Variants in DCC observed in about 807,000 individuals in gnomAD.
The protein encoded by DCC is DCC netrin 1 receptor, also known as netrin receptor DCC.
Under a neutral mutation model 172.5 loss-of-function variants are expected in DCC, and 58 were observed. The observed-to-expected ratio is 0.34, with a 90% CI of 0.27 to 0.42. DCC has a LOEUF of 0.42. Ranked by LOEUF, DCC falls within the 10% of genes least tolerant of loss-of-function variation. DCC has a pLI of 1.00. For synonymous variants in DCC, 709 were observed against 644.5 expected, an observed-to-expected ratio of 1.10 and a Z score of -1.52; for missense variants, 1,740 against 1,791.0, an observed-to-expected ratio of 0.97 and a Z score of 0.51.
intron 15 of DCC, among the ~76,000 whole-genome samples, chr18:53,355,693 C>T (rs1344363716): frequency 6.6e-6 from 1 of 152,080 alleles, no homozygotes; most frequent in Admixed American, 6.6e-5. Flanking sequence ...GGTTTTCTAA[C>T]TATAAAATCA....
chr18:53,335,680 T>G (rs1401189391), intron 14 of DCC, among the ~76,000 whole-genome samples: 1 of 152,190 alleles, frequency 6.6e-6, no homozygotes, highest in Non-Finnish European at 1.5e-5. Context: ...CCTAGTTATT[T>G]GATCATTCAG....
At chr18:52,512,412 T>G (rs1388524199) in intron 1 of DCC, among the ~76,000 whole-genome samples, 2 of 152,200 alleles carry the variant, frequency 1.3e-5, no homozygotes, top group Non-Finnish European at 2.9e-5. Context: ...ATGTTCAGTA[T>G]CCTGGACAAC....
intron 2 of DCC, among the ~76,000 whole-genome samples, chr18:52,856,279 C>T (rs2039051175): frequency 6.6e-6 from 1 of 151,904 alleles, no homozygotes; most frequent in Non-Finnish European, 1.5e-5. Flanking sequence ...ATGAAGATGT[C>T]TTTTTAAGAT....
chr18:52,825,158 C>T (rs893456183), intron 2 of DCC, among the ~76,000 whole-genome samples: 11 of 152,098 alleles, frequency 7.2e-5, no homozygotes, highest in African/African-American at 2.2e-4. Context: ...ATGAGCAATT[C>T]ATTATTGTAA....
At chr18:53,415,376 T>C (rs1229868989) in intron 20 of DCC, among the ~76,000 whole-genome samples, 2 of 152,056 alleles carry the variant, frequency 1.3e-5, no homozygotes, top group Admixed American at 1.3e-4. Flanking sequence ...ATAATTCTAC[T>C]AGTAATTGAG....
At chr18:53,242,904 T>G (rs1555737407) in intron 12 of DCC, among the ~76,000 whole-genome samples, 1 of 141,024 alleles carries the variant, frequency 7.1e-6, no homozygotes, top group East Asian at 2.0e-4. Flanking sequence ...GTGTGTGTGT[T>G]TGTGCATCTG....
intron 2 of DCC, among the ~76,000 whole-genome samples, chr18:52,760,744 T>TAAG (rs753103734): frequency 5.1e-4 from 78 of 152,282 alleles, no homozygotes; most frequent in Non-Finnish European, 8.4e-4. Context: ...ACATTTGAAT[T>TAAG]AAGATATTAA....
intron 1 of DCC, among the ~76,000 whole-genome samples, chr18:52,640,695 C>G (rs1467013727): frequency 1.3e-5 from 2 of 151,672 alleles, no homozygotes; most frequent in Non-Finnish European, 2.9e-5. Context: ...CTACAAAATA[C>G]TGCTGAAATA....
At chr18:52,671,313 C>A (rs1326325654) in intron 1 of DCC, among the ~76,000 whole-genome samples, 1 of 152,128 alleles carries the variant, frequency 6.6e-6, no homozygotes, top group Non-Finnish European at 1.5e-5. Flanking sequence ...GTGACTGATT[C>A]TAAAAGTGAC....
intron 1 of DCC, among the ~76,000 whole-genome samples, chr18:52,454,359 CT>C: frequency 6.6e-6 from 1 of 151,988 alleles, no homozygotes; most frequent in East Asian, 1.9e-4. Context: ...CTCAGGATAA[CT>C]TTTTTAAGTA....
rs116661144 is a variant in DCC, at chr18:52,839,094, A to G, written c.413-66950A>G. ...AGGCCACATTGTAGAGCTGAAAGGC[A>G]AAAGAACTTGGACATTTACTTAACC... On this transcript the variant is annotated intron_variant, in intron 2 of 28. Transcript: ENST00000442544. Among the ~76,000 whole-genome samples, 672 of 152,342 alleles carry G rather than the reference A, an allele frequency of 4.4e-3. 2 individuals are homozygous for G. Among genetic ancestry groups the G allele is most frequent in the African/African-American group, 0.015 (641 of 41,568 alleles).
intron 12 of DCC, among the ~76,000 whole-genome samples, chr18:53,279,737 T>C (rs1334416859): frequency 6.6e-6 from 1 of 151,350 alleles, no homozygotes; most frequent in African/African-American, 2.4e-5. Context: ...ATATACACCA[T>C]GGAATACTAC....
chr18:52,949,440 C>A (rs187725795), intron 5 of DCC, among the ~76,000 whole-genome samples: 3 of 152,198 alleles, frequency 2.0e-5, no homozygotes, highest in Non-Finnish European at 4.4e-5. Flanking sequence ...TCAAGAAGAA[C>A]AGTTTGAATA....
At chr18:53,507,807 A>G (rs1346398709) in intron 27 of DCC, among the ~76,000 whole-genome samples, 1 of 151,862 alleles carries the variant, frequency 6.6e-6, no homozygotes, top group Non-Finnish European at 1.5e-5. Context: ...TTCTTCTTTG[A>G]CATTTCTGAT....
At chr18:53,461,415 G>C (rs1372781173) in intron 24 of DCC, among the ~76,000 whole-genome samples, 1 of 152,004 alleles carries the variant, frequency 6.6e-6, no homozygotes. Flanking sequence ...ATGGTTTTAG[G>C]TCTAACGTTT....
chr18:52,505,275 A>C (rs946577693), intron 1 of DCC, among the ~76,000 whole-genome samples: 1 of 152,112 alleles, frequency 6.6e-6, no homozygotes, highest in African/African-American at 2.4e-5. Context: ...AATAATATTC[A>C]TGTATAATTT....
At chr18:53,138,588 A>G (rs1026307031) in intron 7 of DCC, among the ~76,000 whole-genome samples, 1 of 152,236 alleles carries the variant, frequency 6.6e-6, no homozygotes, top group South Asian at 2.1e-4. Context: ...AGCATCTGTG[A>G]TTCATACAGT....
intron 1 of DCC, among the ~76,000 whole-genome samples, chr18:52,510,404 G>T (rs975517323): frequency 6.6e-6 from 1 of 152,034 alleles, no homozygotes; most frequent in Non-Finnish European, 1.5e-5. Context: ...CTCCTAGGTA[G>T]ATTTGCGATC....
intron 1 of DCC, among the ~76,000 whole-genome samples, chr18:52,655,569 C>T (rs765099423): frequency 5.3e-5 from 8 of 151,950 alleles, no homozygotes; most frequent in Admixed American, 6.6e-5. Context: ...TACTGAAAAC[C>T]TTCAAGATAG....
Sources: gnomAD v4.1 joint callset for allele counts (sites outside exome capture counted in the v4.1 genomes callset) on GRCh38, gnomAD v4.1.1 for gene constraint, MANE v1.5 for transcripts, NCBI Gene and HGNC (gene_info 2026-07-23, HGNC 2026-07-21) for gene names.